DAB1: variants seen among roughly 807,000 people sequenced by gnomAD.
DAB1 encodes disabled homolog 1.
A neutral mutation model predicts 64.6 loss-of-function variants in DAB1; 15 were observed. The observed-to-expected ratio is 0.23, with a 90% confidence interval of 0.16 to 0.36. The LOEUF (loss-of-function observed/expected upper bound fraction) is 0.36. DAB1 is among the 10% of genes least tolerant of loss of function. The pLI, the probability that DAB1 is intolerant of heterozygous loss-of-function variation, is 1.00. For synonymous variants in DAB1, 235 were observed against 251.9 expected, an observed-to-expected ratio of 0.93 and a Z score of 0.64; for missense variants, 596 against 706.7, an observed-to-expected ratio of 0.84 and a Z score of 1.78.
At chr1:58,023,635 G>A (rs1358029276) in intron 5 of DAB1, among the ~76,000 whole-genome samples, 2 of 152,142 alleles carry the variant, frequency 1.3e-5, no homozygotes, top group Non-Finnish European at 1.5e-5. Flanking sequence ...AATGAACTAG[G>A]AAGGATAATA....
At chr1:57,042,990 C>T (rs949759276) in intron 9 of DAB1, among the ~76,000 whole-genome samples, 8 of 152,068 alleles carry the variant, frequency 5.3e-5, no homozygotes, top group African/African-American at 1.2e-4. Context: ...CCATTTCTAA[C>T]TTCAAAGAAA....
At chr1:58,422,626 A>C (rs1644783164) in intron 3 of DAB1, among the ~76,000 whole-genome samples, 1 of 140,614 alleles carries the variant, frequency 7.1e-6, no homozygotes, top group East Asian at 2.0e-4. Flanking sequence ...TTTTTTTGAG[A>C]CAGAGTCACG....
intron 2 of DAB1, among the ~76,000 whole-genome samples, chr1:58,525,282 A>C (rs77507461): frequency 6.6e-6 from 1 of 152,128 alleles, no homozygotes; most frequent in Non-Finnish European, 1.5e-5. Context: ...GCACATTTCC[A>C]AAAAACCTTC....
At chr1:58,491,320 G>T (rs1645684642) in intron 3 of DAB1, among the ~76,000 whole-genome samples, 1 of 152,154 alleles carries the variant, frequency 6.6e-6, no homozygotes, top group Non-Finnish European at 1.5e-5. Flanking sequence ...ATGCCAAATT[G>T]TAAAGACCAT....
intron 1 of DAB1, among the ~76,000 whole-genome samples, chr1:57,408,579 C>G (rs904082443): frequency 3.9e-4 from 59 of 152,294 alleles, no homozygotes; most frequent in African/African-American, 1.3e-3. Flanking sequence ...GCCCTACTCC[C>G]TGGGCACCCA....
chr1:57,850,486 C>A (rs1653472094), intron 1 of DAB1, among the ~76,000 whole-genome samples: 1 of 150,374 alleles, frequency 6.7e-6, no homozygotes. Context: ...AAAATGAAAC[C>A]ATTTATTATA....
At chr1:58,145,792 T>C (rs1339555692) in intron 5 of DAB1, among the ~76,000 whole-genome samples, 3 of 152,180 alleles carry the variant, frequency 2.0e-5, no homozygotes, top group African/African-American at 2.4e-5. Context: ...TTCACTGACA[T>C]AAAAGGAAGA....
intron 6 of DAB1, among the ~76,000 whole-genome samples, chr1:57,663,182 A>C (rs900028285): frequency 6.6e-6 from 1 of 152,258 alleles, no homozygotes; most frequent in Admixed American, 6.5e-5. Flanking sequence ...GCCAGAGAAG[A>C]AGGAAGAGAG....
chr1:58,225,373 A>G (rs1659409696), intron 4 of DAB1, among the ~76,000 whole-genome samples: 1 of 152,084 alleles, frequency 6.6e-6, no homozygotes, highest in Non-Finnish European at 1.5e-5. Flanking sequence ...GGGACTGTAA[A>G]CTAGTTCAAC....
At chr1:57,094,892 C>G (rs182524034) in intron 4 of DAB1, among the ~76,000 whole-genome samples, 8 of 152,164 alleles carry the variant, frequency 5.3e-5, no homozygotes, top group African/African-American at 1.9e-4. Context: ...CTAGTCATGC[C>G]CTACCTCTGT....
rs1385687880 is a variant in DAB1 at position 57,179,489 on chromosome 1, A to G, written c.68-34060T>C. Among the ~76,000 whole-genome samples, 7 of 152,308 alleles carry G rather than the reference A, an allele frequency of 4.6e-5. No homozygotes were observed. In the South Asian group the frequency reaches 6.2e-4, roughly 14 times the overall value. Reference sequence around the variant, plus strand: ...CAGACCATATTCTTAACATAACCCAATGAGAATTTATGTCAGATGCACATT... The same window carrying G: ...CAGACCATATTCTTAACATAACCCAGTGAGAATTTATGTCAGATGCACATT... On this transcript the variant is annotated intron_variant, in intron 2 of 14. Transcript: ENST00000371236.
chr1:58,008,140 G>A (rs1646613574), intron 5 of DAB1, among the ~76,000 whole-genome samples: 1 of 152,120 alleles, frequency 6.6e-6, no homozygotes, highest in Non-Finnish European at 1.5e-5. Context: ...CTGAGAGATA[G>A]AGATTACTTC....
At chr1:58,300,630 GAGAGAGAGAGAGAGAGAGGA>G (rs1267521633) in intron 4 of DAB1, among the ~76,000 whole-genome samples, 36 of 70,934 alleles carry the variant, frequency 5.1e-4, no homozygotes, top group South Asian at 2.2e-3. Context: ...GAGAGAGAGA[GAGAGAGAGAGAGAGAGAGGA>G]AGGAAGGAAG....
intron 3 of DAB1, among the ~76,000 whole-genome samples, chr1:58,423,754 C>T (rs1644795021): frequency 6.6e-6 from 1 of 152,234 alleles, no homozygotes; most frequent in South Asian, 2.1e-4. Context: ...AGTAACACCA[C>T]CATCTTCTCT....
At chr1:58,056,187 T>G (rs200414455) in intron 5 of DAB1, 223 of 1,538,178 alleles carry the variant, frequency 1.4e-4, no homozygotes, top group Non-Finnish European at 1.6e-4. Context: ...TAAATCGGGA[T>G]GGGGGTGTTC....
chr1:57,761,680 T>C (rs540331487), intron 6 of DAB1, among the ~76,000 whole-genome samples: 1 of 152,306 alleles, frequency 6.6e-6, no homozygotes, highest in Admixed American at 6.5e-5. Context: ...GCAGAGGTAT[T>C]TGATTGACAT....
rs146935910 is a variant in DAB1 at position 57,136,627 on chromosome 1, G to A, written c.222C>T (p.Gly74=). Residue 74 remains glycine, a synonymous_variant, in exon 4 of 15, where the codon GGC becomes GGT. Coordinates refer to ENST00000371236, the MANE Select transcript of DAB1 (RefSeq NM_001365792.1). ...SMMKLKGVVA[G]ARSKGEHKQK... ...GTTTGTGTTCTCCTTTGGAACGAGCGCCAGCAACAACGCCCTGTTGAAAGG... is the reference window on the plus strand; with the variant it reads ...GTTTGTGTTCTCCTTTGGAACGAGCACCAGCAACAACGCCCTGTTGAAAGG... 3.3e-5 allele frequency: 51 copies of A among 1,528,670 alleles called. No individual in the cohort carries two copies. Among genetic ancestry groups the A allele is most frequent in the Middle Eastern group, 1.7e-4 (1 of 5,732 alleles). 94.7% of individuals were successfully genotyped at this position (1,528,670 alleles called of 1,614,324 possible).
chr1:57,955,759 G>C (rs1445503187), intron 5 of DAB1, among the ~76,000 whole-genome samples: 1 of 151,836 alleles, frequency 6.6e-6, no homozygotes. Flanking sequence ...CTCCATTGAG[G>C]TTTAAGGTAT....
At position 57,296,550 on chromosome 1, in the gene DAB1, CAA is replaced by C. The variant is rs75538770; in HGVS notation, c.-136-5386_-136-5385del. On this transcript the variant is annotated intron_variant, in intron 1 of 14. Coordinates refer to ENST00000371236, the MANE Select transcript of DAB1 (RefSeq NM_001365792.1). Reference sequence around the variant, plus strand: ...TATTCCAGAAATTAAGTGCTCAAAACAAACAAAAAATGATGAGAGAATTTTAT... The same window carrying C: ...TATTCCAGAAATTAAGTGCTCAAAACACAAAAAATGATGAGAGAATTTTAT... Among the ~76,000 whole-genome samples the C allele has an allele frequency of 7.5e-3, 1,132 of 151,936 alleles. 30 individuals are homozygous for C. In the East Asian group the frequency reaches 0.079, roughly 11 times the overall value.
Sources: gnomAD v4.1 joint callset for allele counts (sites outside exome capture counted in the v4.1 genomes callset) on GRCh38, gnomAD v4.1.1 for gene constraint, MANE v1.5 for transcripts, NCBI Gene and HGNC (gene_info 2026-07-23, HGNC 2026-07-21) for gene names.